PDZD2: variants seen among roughly 807,000 people sequenced by gnomAD.
PDZD2 encodes the protein PDZ domain-containing protein 2.
Under a neutral mutation model 220.7 loss-of-function variants are expected in PDZD2, and 90 were observed. The ratio of observed to expected loss-of-function variants is 0.41; its 90% CI spans 0.34 to 0.49. The LOEUF (loss-of-function observed/expected upper bound fraction) is 0.49, where lower values mean the gene tolerates loss of function less well. PDZD2 is among the 20% of genes least tolerant of loss of function. The pLI is 0.28. For missense variants in PDZD2, 3,174 were observed against 3,608.5 expected, an observed-to-expected ratio of 0.88 and a Z score of 3.08; for synonymous variants, 1,375 against 1,450.5, an observed-to-expected ratio of 0.95 and a Z score of 1.18.
intron 1 of PDZD2, among the ~76,000 whole-genome samples, chr5:31,712,753 C>T (rs907854638): frequency 3.3e-5 from 5 of 152,084 alleles, no homozygotes; most frequent in Non-Finnish European, 5.9e-5. Flanking sequence ...GTGACGTGTG[C>T]ACAGAAAAGC....
chr5:31,770,392 T>C (rs530991121), intron 1 of PDZD2, among the ~76,000 whole-genome samples: 114 of 152,338 alleles, frequency 7.5e-4, no homozygotes, highest in African/African-American at 2.7e-3. Flanking sequence ...AGAATTCATT[T>C]GCAGCTGAAT....
At chr5:31,669,096 C>A (rs12658974) in intron 1 of PDZD2, among the ~76,000 whole-genome samples, 17,957 of 151,624 alleles carry the variant, frequency 0.12, 1,152 homozygotes, top group Admixed American at 0.16. Flanking sequence ...TAACAGTGCA[C>A]AGGACGTCCT....
At chr5:31,996,404 C>A (rs1751637794) in intron 4 of PDZD2, among the ~76,000 whole-genome samples, 1 of 151,680 alleles carries the variant, frequency 6.6e-6, no homozygotes, top group South Asian at 2.1e-4. Flanking sequence ...ATGGTGAGAC[C>A]TGGTGTTTAC....
chr5:31,756,300 A>C (rs1387593887), intron 1 of PDZD2, among the ~76,000 whole-genome samples: 3 of 152,198 alleles, frequency 2.0e-5, no homozygotes, highest in Non-Finnish European at 2.9e-5. Context: ...GCCAGTGTGC[A>C]CTCAGAGAAA....
At chr5:31,682,485 A>T (rs7700255) in intron 1 of PDZD2, among the ~76,000 whole-genome samples, 45,714 of 152,034 alleles carry the variant, frequency 0.3, 7,288 homozygotes, top group East Asian at 0.59. Context: ...CTTCATTACA[A>T]CAAATAAGGC....
Position 32,089,005 on chromosome 5 carries a change from C to T in PDZD2, c.5557C>T (p.Gln1853Ter). The T allele has an allele frequency of 6.2e-7, 1 of 1,613,946 alleles. No individual in the cohort carries two copies. Among genetic ancestry groups the T allele is most frequent in the Non-Finnish European group, 8.5e-7 (1 of 1,179,984 alleles). ...CGTTACTGTGCCTCATAGCCCTCCT[C>T]AGCCGAAAACAAACCTGGAAAATAA... ...KGVTVPHSPPQPKTNLENKDL... is the reference protein window; with the variant it reads ...KGVTVPHSPP The change falls in exon 20 of 25, where the codon CAG becomes TAG. Residue 1853 changes from glutamine to a stop codon, truncating the protein, a stop_gained. Coordinates refer to ENST00000438447, the MANE Select transcript of PDZD2 (RefSeq NM_178140.4). LOFTEE classifies it high-confidence loss of function.
chr5:32,086,308 C>T (rs549238880), intron 19 of PDZD2, among the ~76,000 whole-genome samples: 1 of 152,264 alleles, frequency 6.6e-6, no homozygotes, highest in Admixed American at 6.5e-5. Flanking sequence ...CCATGAGGGC[C>T]CTGCTGCATC....
At position 31,983,361 on chromosome 5, in the gene PDZD2, A is replaced by G; in HGVS notation, c.683A>G (p.Asn228Ser). The G allele has an allele frequency of 1.2e-6, 2 of 1,614,232 alleles. No homozygotes were observed. Among genetic ancestry groups the G allele is most frequent in the Non-Finnish European group, 1.7e-6 (2 of 1,180,030 alleles). Residue 228 changes from asparagine to serine, a missense_variant, in exon 3 of 25, where the codon AAC becomes AGC. Asn to Ser is a conservative substitution (Grantham distance 46). This residue lies in a region of PDZD2 where 632 missense variants were observed against 708.1 expected (regional missense o/e 0.89). Transcript: ENST00000438447. The part of the protein sequence containing the change: ...KFGVISRPPA[N>S]KAPEESKGSA... ...GGGGTCATCTCCAGGCCTCCTGCCA[A>G]CAAGGCCCCTGAAGAATCCAAGGGC... is the stretch of plus-strand genomic sequence containing the variant.
At chr5:31,886,593 A>G (rs1740499764) in intron 2 of PDZD2, among the ~76,000 whole-genome samples, 1 of 152,132 alleles carries the variant, frequency 6.6e-6, no homozygotes, top group South Asian at 2.1e-4. Context: ...GTGGGCCCTC[A>G]GCCACGGCCC....
chr5:31,920,506 T>TAAA (rs869254209), intron 2 of PDZD2, among the ~76,000 whole-genome samples: 1 of 39,882 alleles, frequency 2.5e-5, no homozygotes, highest in African/African-American at 1.2e-4. Context: ...GTTATATATT[T>TAAA]AAAAAAAAAA....
intron 1 of PDZD2, among the ~76,000 whole-genome samples, chr5:31,698,321 T>C (rs3101885): frequency 0.46 from 67,916 of 146,882 alleles, 16,202 homozygotes; most frequent in East Asian, 0.63. Flanking sequence ...GAAGGCCGGG[T>C]GCGGTGGCTC....
chr5:31,729,929 G>A lies in PDZD2; in HGVS notation c.-360-68960G>A, dbSNP rs1580640099. On this transcript the variant is annotated intron_variant, in intron 1 of 24. Coordinates refer to ENST00000438447, the MANE Select transcript of PDZD2 (RefSeq NM_178140.4). The stretch of plus-strand genomic sequence containing the variant: ...TGCAACCTCTGTCTCCTGGGTTCAA[G>A]CAATTCTCCTGTCTCGGCCTTCTGA... 3.3e-5 allele frequency among the ~76,000 whole-genome samples: 5 copies of A among 152,328 alleles called. 1 individual carries two copies. Among genetic ancestry groups the A allele is most frequent in the Admixed American group, 3.3e-4 (5 of 15,306 alleles).
At chr5:31,952,180 G>A (rs1369482611) in intron 2 of PDZD2, among the ~76,000 whole-genome samples, 1 of 151,934 alleles carries the variant, frequency 6.6e-6, no homozygotes, top group Non-Finnish European at 1.5e-5. Context: ...AGTTGGACTT[G>A]TTCCACTGTC....
intron 1 of PDZD2, among the ~76,000 whole-genome samples, chr5:31,670,859 G>A (rs936848739): frequency 7.9e-5 from 12 of 152,094 alleles, no homozygotes; most frequent in African/African-American, 2.2e-4. Context: ...AGGCAACTGC[G>A]GTGACAGCCA....
chr5:32,071,503 A>T (rs1160977076), intron 16 of PDZD2, 85 bp downstream of exon 16: 4 of 1,047,292 alleles, frequency 3.8e-6, no homozygotes, highest in Non-Finnish European at 6.0e-6. Flanking sequence ...CGGAGGGCCC[A>T]GTCCCTGTTT....
In PDZD2 at chr5:31,862,567, T is replaced by A. The variant is rs1737819751; in HGVS notation, c.476+62843T>A. On this transcript the variant is annotated intron_variant, in intron 2 of 24. Transcript: ENST00000438447. Reference sequence around the variant, plus strand: ...AACCATGGCACCTTTTCTTTTCTTTTTTTTTTTTTTTGAGAAGGAGTTTCA... The same window carrying A: ...AACCATGGCACCTTTTCTTTTCTTTATTTTTTTTTTTGAGAAGGAGTTTCA... Among the ~76,000 whole-genome samples, 3 of 146,520 alleles carry A rather than the reference T, an allele frequency of 2.0e-5. No homozygotes were observed. The South Asian group carries it at 6.5e-4, about 32-fold the overall frequency.
intron 6 of PDZD2, among the ~76,000 whole-genome samples, chr5:32,011,028 A>AAC (rs1426218289): frequency 6.8e-6 from 1 of 147,044 alleles, no homozygotes; most frequent in Non-Finnish European, 1.5e-5. Context: ...AAAAACAACA[A>AAC]CAACAACAAC....
intron 2 of PDZD2, chr5:31,923,422 G>A: frequency 1.9e-5 from 23 of 1,230,286 alleles, no homozygotes; most frequent in Non-Finnish European, 2.8e-5. Flanking sequence ...TTCAACGGGG[G>A]CCAGTTTGCC....
chr5:31,960,726 C>T (rs1425886446), intron 2 of PDZD2, among the ~76,000 whole-genome samples: 1 of 143,542 alleles, frequency 7.0e-6, no homozygotes, highest in Non-Finnish European at 1.6e-5. Context: ...TTATAAGCTT[C>T]TGAAGTAACC....
Sources: gnomAD v4.1 joint callset for allele counts (sites outside exome capture counted in the v4.1 genomes callset) on GRCh38, gnomAD v4.1.1 for gene constraint, gnomAD v4.1.1 regional missense constraint, MANE v1.5 for transcripts, NCBI Gene and HGNC (gene_info 2026-07-23, HGNC 2026-07-21) for gene names.